SLC2A2: variants seen among roughly 807,000 people sequenced by gnomAD.
The protein encoded by SLC2A2 is solute carrier family 2 member 2.
SLC2A2 carries 36 observed loss-of-function variants against 54.5 expected under a neutral mutation model. The ratio of observed to expected loss-of-function variants is 0.66; its 90% confidence interval spans 0.51 to 0.87. The LOEUF (loss-of-function observed/expected upper bound fraction) is 0.87. Among genes scored for constraint, SLC2A2 ranks in the 40% least tolerant of loss-of-function variants. The pLI is 0.00. For missense variants in SLC2A2, 543 were observed against 624.3 expected (o/e 0.87, Z 1.39); for synonymous variants, 223 against 219.1 (o/e 1.02, Z -0.16).
intron 5 of SLC2A2, among the ~76,000 whole-genome samples, chr3:171,006,424 A>T (rs1194853438): frequency 1.3e-5 from 2 of 152,060 alleles, no homozygotes; most frequent in Non-Finnish European, 2.9e-5. Flanking sequence ...AAAAATACGT[A>T]CTTGATATCT....
intron 4 of SLC2A2, among the ~76,000 whole-genome samples, chr3:171,009,196 C>T (rs1048782853): frequency 6.6e-6 from 1 of 152,108 alleles, no homozygotes; most frequent in Non-Finnish European, 1.5e-5. Context: ...TTCTCCCTTT[C>T]TTCAGATGTC....
rs573575421 is a variant in SLC2A2, at chr3:170,997,894, GTT to G, written c.*7_*8del. ...GTTTCTGTTCATGTCAAAAAGCAGG[GTT>G]TTTTTTTTACACAGTCTCTGTAGCT... is the stretch of plus-strand genomic sequence containing the variant. On this transcript the variant is annotated 3_prime_UTR_variant, in exon 11 of 11. Transcript: ENST00000314251. 1 of 1,432,946 alleles carries G rather than the reference GTT, an allele frequency of 7.0e-7. No individual in the cohort carries two copies. Among genetic ancestry groups the G allele is most frequent in the Non-Finnish European group, 9.6e-7 (1 of 1,042,872 alleles). 88.8% of individuals were successfully genotyped at this position (1,432,946 alleles called of 1,614,324 possible).
rs1298123687 is a variant in SLC2A2, at chr3:171,005,933, A to G, written c.775+10T>C. On this transcript the variant is annotated intron_variant, in intron 6 of 10. Transcript: ENST00000314251. ...CAATAGGAAGAAAGAAAAACCATCC[A>G]CAGACTTACTTTGTTTTGCTTTGAC... 2.5e-6 allele frequency: 4 copies of G among 1,611,130 alleles called. No individual in the cohort carries two copies. The highest frequency in any genetic ancestry group is 3.4e-6 in the Non-Finnish European group (4 of 1,177,778).
intron 7 of SLC2A2, 57 bp downstream of exon 7, chr3:171,005,228 C>T: frequency 1.4e-6 from 2 of 1,438,072 alleles, no homozygotes; most frequent in Non-Finnish European, 9.8e-7. Flanking sequence ...GTACCCCTTG[C>T]CTTCCCTATT....
Position 171,002,649 on chromosome 3 carries a change from G to A in SLC2A2, c.995C>T (p.Thr332Met), listed in dbSNP as rs751917665. 4.7e-5 allele frequency: 75 copies of A among 1,608,946 alleles called. No homozygotes were observed. Among genetic ancestry groups the A allele is most frequent in the Middle Eastern group, 1.6e-4 (1 of 6,066 alleles). The change falls in exon 8 of 11, where the codon ACG becomes ATG. Residue 332 changes from threonine (T) to methionine (M), a missense_variant. Physicochemically the swap from Thr to Met is moderately conservative, Grantham distance 81 (BLOSUM62 -1). This residue lies in a region of SLC2A2 where 117 missense variants were observed against 179.2 expected (regional missense o/e 0.65). Transcript: ENST00000314251. Reference protein sequence around the residue: ...IFYYSTSIFQTAGISKPVYAT... With the variant: ...IFYYSTSIFQMAGISKPVYAT... ...ATAAACAGGTTTGCTGATACCAGCC[G>A]TCTGAAAAATGCTGGTTGAGTAGTA...
intron 1 of SLC2A2, among the ~76,000 whole-genome samples, chr3:171,024,970 A>C (rs1252425402): frequency 6.6e-6 from 1 of 152,218 alleles, no homozygotes; most frequent in Non-Finnish European, 1.5e-5. Context: ...TTTTGAATGA[A>C]TCTTGAACAT....
intron 4 of SLC2A2, 21 bp downstream of exon 4, chr3:171,009,937 G>A: frequency 6.4e-7 from 1 of 1,572,634 alleles, no homozygotes; most frequent in Non-Finnish European, 8.6e-7. Flanking sequence ...GTGTGTGTGT[G>A]TGTGTGTGTG....
Position 171,014,466 on chromosome 3 carries a change from T to A in SLC2A2, c.371+3A>T. The A allele has an allele frequency of 6.2e-7, 1 of 1,614,054 alleles. No individual in the cohort carries two copies. The highest frequency in any genetic ancestry group is 8.5e-7 in the Non-Finnish European group (1 of 1,179,898). Reference sequence around the variant, plus strand: ...TTTATGCTTATTTATGAAATTTGCCTACCTTCCAAGTGTGTCCCCAAGCCA... The same window carrying A: ...TTTATGCTTATTTATGAAATTTGCCAACCTTCCAAGTGTGTCCCCAAGCCA... On this transcript the variant is annotated splice_donor_region_variant and intron_variant, in intron 3 of 10. Transcript: ENST00000314251.
chr3:171,019,347 C>T (rs114407311), intron 1 of SLC2A2, among the ~76,000 whole-genome samples: 2,209 of 151,846 alleles, frequency 0.015, 54 homozygotes, highest in African/African-American at 0.05. Context: ...TAGCCTTTAT[C>T]ATGTTCCGCA....
intron 8 of SLC2A2, among the ~76,000 whole-genome samples, chr3:171,002,361 G>A (rs1388311054): frequency 1.3e-5 from 2 of 152,034 alleles, no homozygotes; most frequent in African/African-American, 4.8e-5. Context: ...CATCCCAGCA[G>A]TGCAGAGAAT....
intron 7 of SLC2A2, 97 bp downstream of exon 7, chr3:171,005,188 C>T (rs1715533970): frequency 9.9e-7 from 1 of 1,010,014 alleles, no homozygotes; most frequent in African/African-American, 1.6e-5. Context: ...GATGCCAATA[C>T]CTTAAAATAT....
intron 1 of SLC2A2, among the ~76,000 whole-genome samples, chr3:171,023,552 C>G (rs981494102): frequency 1.3e-5 from 2 of 152,134 alleles, no homozygotes. Context: ...TAATAAGCCC[C>G]GTCAACCTTC....
In SLC2A2 at chr3:171,013,350, G is replaced by A. The variant is rs534374159; in HGVS notation, c.371+1119C>T. Reference sequence around the variant, plus strand: ...TTATTAATCCGTATTTTACAGATTCGTATTTAAAGTTCAACTGAACATCAG... The same window carrying A: ...TTATTAATCCGTATTTTACAGATTCATATTTAAAGTTCAACTGAACATCAG... On this transcript the variant is annotated intron_variant, in intron 3 of 10. Coordinates refer to ENST00000314251, the MANE Select transcript of SLC2A2 (RefSeq NM_000340.2). 4.2e-4 allele frequency among the ~76,000 whole-genome samples: 64 copies of A among 151,960 alleles called. 1 individual carries two copies. Among genetic ancestry groups the A allele is most frequent in the Middle Eastern group, 3.4e-3 (1 of 294 alleles).
chr3:171,016,669 A>T (rs911419896), intron 2 of SLC2A2, among the ~76,000 whole-genome samples: 1 of 151,974 alleles, frequency 6.6e-6, no homozygotes, highest in Non-Finnish European at 1.5e-5. Context: ...AATCATTCTT[A>T]TGTAATGGTG....
intron 4 of SLC2A2, among the ~76,000 whole-genome samples, chr3:171,009,116 C>T (rs1715756736): frequency 6.6e-6 from 1 of 152,088 alleles, no homozygotes; most frequent in Non-Finnish European, 1.5e-5. Context: ...CAACCTAGCA[C>T]CGTCAAAATC....
chr3:170,998,189 T>G lies in SLC2A2; in HGVS notation c.1374+4A>C. On this transcript the variant is annotated splice_donor_region_variant and intron_variant, in intron 10 of 10. Coordinates refer to ENST00000314251, the MANE Select transcript of SLC2A2 (RefSeq NM_000340.2). ...GTAAATCTGTGGAATATTAGGCTGCTTACCGCAATGTACTGGAAACACAGA... is the reference window on the plus strand; with the variant it reads ...GTAAATCTGTGGAATATTAGGCTGCGTACCGCAATGTACTGGAAACACAGA... The G allele has an allele frequency of 6.2e-7, 1 of 1,613,698 alleles. No homozygotes were observed. Among genetic ancestry groups the G allele is most frequent in the Non-Finnish European group, 8.5e-7 (1 of 1,179,718 alleles).
intron 10 of SLC2A2, 43 bp from the exon 11 acceptor site, chr3:170,998,146 G>T: frequency 1.2e-6 from 2 of 1,612,906 alleles, no homozygotes; most frequent in South Asian, 2.2e-5. Flanking sequence ...GCAGTTTTTT[G>T]ACCCTCTCTT....
At chr3:171,015,868 T>C (rs2108258654) in intron 2 of SLC2A2, among the ~76,000 whole-genome samples, 1 of 152,292 alleles carries the variant, frequency 6.6e-6, no homozygotes, top group Middle Eastern at 3.4e-3. Context: ...CATTGGAAAC[T>C]AAATTTCATG....
intron 7 of SLC2A2, among the ~76,000 whole-genome samples, chr3:171,003,552 A>G (rs1715443629): frequency 6.6e-6 from 1 of 151,948 alleles, no homozygotes; most frequent in South Asian, 2.1e-4. Context: ...AGTACCATTG[A>G]CTATTGACGT....
Sources: allele counts gnomAD v4.1 joint callset (sites outside exome capture counted in the v4.1 genomes callset), GRCh38; gene constraint gnomAD v4.1.1; regional missense constraint gnomAD v4.1.1; transcripts MANE v1.5; gene names NCBI Gene and HGNC (gene_info 2026-07-23, HGNC 2026-07-21).